Variants in ATP2C2 observed in about 807,000 individuals in gnomAD.
The protein encoded by ATP2C2 is calcium-transporting ATPase type 2C member 2.
Under a neutral mutation model 110.8 loss-of-function variants are expected in ATP2C2, and 171 were observed. That is an observed-to-expected ratio of 1.54 (90% confidence interval 1.36 to 1.75). The LOEUF is 1.75. Among genes scored for constraint, ATP2C2 ranks in the 40% most tolerant of loss-of-function variants. The pLI, the probability that ATP2C2 is intolerant of heterozygous loss-of-function variation, is 0.00. For synonymous variants in ATP2C2, 804 were observed against 508.4 expected, an observed-to-expected ratio of 1.58 and a Z score of -7.82; for missense variants, 1,963 against 1,235.0, an observed-to-expected ratio of 1.59 and a Z score of -8.84.
chr16:84,421,857 G>C (rs994700569), intron 7 of ATP2C2, among the ~76,000 whole-genome samples: 12 of 152,196 alleles, frequency 7.9e-5, no homozygotes, highest in African/African-American at 2.2e-4. Flanking sequence ...CTTGTGGGGA[G>C]CTGCGCACAG....
At chr16:84,388,790 T>C (rs1262889607) in intron 1 of ATP2C2, among the ~76,000 whole-genome samples, 2 of 152,224 alleles carry the variant, frequency 1.3e-5, no homozygotes, top group African/African-American at 2.4e-5. Context: ...TTTTGTTTTT[T>C]GAGATGGAGT....
intron 1 of ATP2C2, among the ~76,000 whole-genome samples, chr16:84,382,231 C>T (rs1201239721): frequency 2.0e-5 from 3 of 152,200 alleles, no homozygotes; most frequent in Admixed American, 6.5e-5. Flanking sequence ...TGAGAACATA[C>T]GGTGTTTGGT....
intron 11 of ATP2C2, chr16:84,426,045 C>T (rs1055020138): frequency 1.4e-4 from 56 of 387,992 alleles, no homozygotes; most frequent in Non-Finnish European, 2.1e-4. Context: ...GCTGTTCTTG[C>T]ATTGCTAAAA....
intron 11 of ATP2C2, among the ~76,000 whole-genome samples, chr16:84,433,520 G>T (rs1311038538): frequency 6.6e-6 from 1 of 152,102 alleles, no homozygotes; most frequent in Non-Finnish European, 1.5e-5. Flanking sequence ...GGGCATGGTG[G>T]CGTATGCCTG....
At chr16:84,388,625 G>A (rs1029869456) in intron 1 of ATP2C2, among the ~76,000 whole-genome samples, 4 of 152,190 alleles carry the variant, frequency 2.6e-5, no homozygotes, top group African/African-American at 9.7e-5. Flanking sequence ...TTATTTGGGT[G>A]TGTGTCTCCA....
At chr16:84,460,512 T>A (rs1179824080) in intron 23 of ATP2C2, 142 bp from the exon 24 acceptor site, 7 of 1,144,796 alleles carry the variant, frequency 6.1e-6, no homozygotes, top group Admixed American at 1.7e-5. Context: ...GGAGGGCAGG[T>A]GCGATGCCTG....
At chr16:84,445,524 C>T (rs569269748) in intron 15 of ATP2C2, among the ~76,000 whole-genome samples, 20 of 152,236 alleles carry the variant, frequency 1.3e-4, no homozygotes, top group Non-Finnish European at 2.4e-4. Flanking sequence ...CTCTTATATC[C>T]AGTCATGTTG....
chr16:84,458,488 A>C (rs1910904246), intron 21 of ATP2C2, among the ~76,000 whole-genome samples: 1 of 34,686 alleles, frequency 2.9e-5, no homozygotes, highest in Non-Finnish European at 8.4e-5. Context: ...TAAAACTTAG[A>C]GTATAATAAA....
At chr16:84,439,599 A>G (rs1238859903) in intron 13 of ATP2C2, 75 bp downstream of exon 13, 7 of 1,317,488 alleles carry the variant, frequency 5.3e-6, no homozygotes, top group African/African-American at 1.4e-5. Flanking sequence ...TAAGCACACA[A>G]TGTCTTCTAG....
intron 11 of ATP2C2, among the ~76,000 whole-genome samples, chr16:84,430,673 T>C (rs1908196302): frequency 6.7e-6 from 1 of 149,296 alleles, no homozygotes; most frequent in Non-Finnish European, 1.5e-5. Context: ...TTCTAGAATC[T>C]TCAAGGAATT....
chr16:84,405,294 G>T, intron 3 of ATP2C2, 50 bp downstream of exon 3: 1 of 1,483,962 alleles, frequency 6.7e-7, no homozygotes. Context: ...AGCCAGCGAG[G>T]GTGGGGCAGC....
At chr16:84,409,478 A>G (rs182945564) in intron 4 of ATP2C2, among the ~76,000 whole-genome samples, 12 of 152,290 alleles carry the variant, frequency 7.9e-5, no homozygotes, top group African/African-American at 2.9e-4. Flanking sequence ...CAGACAATAC[A>G]TGACCTTTTG....
intron 1 of ATP2C2, among the ~76,000 whole-genome samples, chr16:84,383,900 C>A (rs1288657460): frequency 1.3e-5 from 2 of 151,468 alleles, no homozygotes; most frequent in Non-Finnish European, 2.9e-5. Context: ...AGCGATCCTC[C>A]AACCTCAGCC....
At chr16:84,417,611 G>C (rs1405305439) in intron 7 of ATP2C2, among the ~76,000 whole-genome samples, 2 of 152,176 alleles carry the variant, frequency 1.3e-5, no homozygotes, top group African/African-American at 4.8e-5. Flanking sequence ...TTAAACTGTG[G>C]CTGGGCACAG....
intron 13 of ATP2C2, among the ~76,000 whole-genome samples, chr16:84,439,725 G>T (rs1191695194): frequency 1.3e-5 from 2 of 152,120 alleles, no homozygotes; most frequent in East Asian, 3.9e-4. Flanking sequence ...ATTTAAGGTA[G>T]CCTCCTTTTT....
At position 84,410,703 on chromosome 16, in the gene ATP2C2, G is replaced by C. The variant is rs999316917; in HGVS notation, c.454-1G>C. 2.5e-6 allele frequency: 4 copies of C among 1,614,146 alleles called. No homozygotes were observed. The highest frequency in any genetic ancestry group is 3.4e-6 in the Non-Finnish European group (4 of 1,180,008). ...AGCACATCTGATGTGCTTCCTGCCA[G>C]GAGTACAGGTCGGAGAAATCTCTGG... On this transcript the variant is annotated splice_acceptor_variant, in intron 5 of 26. Coordinates refer to ENST00000262429, the MANE Select transcript of ATP2C2 (RefSeq NM_014861.4). LOFTEE classifies it high-confidence loss of function.
chr16:84,410,419 C>G (rs1906169291), intron 4 of ATP2C2, 149 bp from the exon 5 acceptor site: 1 of 889,230 alleles, frequency 1.1e-6, no homozygotes, highest in South Asian at 1.5e-5. Context: ...GCTCTTTTGG[C>G]TAGTATATTT....
At position 84,459,615 on chromosome 16, in the gene ATP2C2, C is replaced by T. The variant is rs749522147; in HGVS notation, c.2333+229C>T. ...TGGGTGAGGATGGAACTTTCTGCTC[C>T]CTCTGCCTGGATGCTCTCTCTGGGC... On this transcript the variant is annotated intron_variant, in intron 23 of 26. Coordinates refer to ENST00000262429, the MANE Select transcript of ATP2C2 (RefSeq NM_014861.4). 49 of 1,526,746 alleles carry T rather than the reference C, an allele frequency of 3.2e-5. 1 individual carries two copies. The South Asian group carries it at 4.8e-4, about 15-fold the overall frequency. The allele number at this position is 1,526,746 out of a possible 1,614,324, so 94.6% of individuals were successfully genotyped here.
intron 2 of ATP2C2, among the ~76,000 whole-genome samples, chr16:84,400,059 C>A (rs527742512): frequency 6.6e-6 from 1 of 152,136 alleles, no homozygotes; most frequent in Non-Finnish European, 1.5e-5. Context: ...AATATAATGA[C>A]CTCCAGTTCC....
Sources: allele counts gnomAD v4.1 joint callset (sites outside exome capture counted in the v4.1 genomes callset), GRCh38; gene constraint gnomAD v4.1.1; transcripts MANE v1.5; gene names NCBI Gene and HGNC (gene_info 2026-07-23, HGNC 2026-07-21).